Variants in ERC2 observed in about 807,000 individuals in gnomAD.
The protein encoded by ERC2 is ELKS/RAB6-interacting/CAST family member 2, also known as ERC protein 2.
ERC2 carries 42 observed loss-of-function variants against 114.8 expected under a neutral mutation model. The ratio of observed to expected loss-of-function variants is 0.37; its 90% CI spans 0.29 to 0.47. The LOEUF is 0.47. Among genes scored for constraint, ERC2 ranks in the 20% least tolerant of loss-of-function variants. The pLI is 0.99. For synonymous variants in ERC2, 454 were observed against 425.5 expected (o/e 1.07, Z -0.82); for missense variants, 939 against 1,150.7 (o/e 0.82, Z 2.66).
At chr3:56,346,004 C>T (rs1023560104) in intron 2 of ERC2, among the ~76,000 whole-genome samples, 3 of 152,216 alleles carry the variant, frequency 2.0e-5, no homozygotes, top group Non-Finnish European at 4.4e-5. Context: ...CCTTAACTAA[C>T]CTGGGGAAGC....
At chr3:56,155,565 C>A (rs1449302747) in intron 4 of ERC2, among the ~76,000 whole-genome samples, 1 of 151,850 alleles carries the variant, frequency 6.6e-6, no homozygotes, top group African/African-American at 2.4e-5. Context: ...ATATAATGCA[C>A]AAGTGATAGC....
At chr3:56,121,318 G>T (rs372976198) in intron 6 of ERC2, among the ~76,000 whole-genome samples, 1 of 152,044 alleles carries the variant, frequency 6.6e-6, no homozygotes, top group Non-Finnish European at 1.5e-5. Context: ...GCATTAACTC[G>T]TATTGTCTTT....
Position 55,894,322 on chromosome 3 carries a change from T to G in ERC2, c.2404-5773A>C, listed in dbSNP as rs564390844. Among the ~76,000 whole-genome samples, 5 of 152,300 alleles carry G rather than the reference T, an allele frequency of 3.3e-5. No homozygotes were observed. In the South Asian group the frequency reaches 6.2e-4, roughly 19 times the overall value. The stretch of plus-strand genomic sequence containing the variant: ...TTGGAGGCAAAATTTGCTTTAAACA[T>G]GTATTAAGCATTACCATTGCTATGC... On this transcript the variant is annotated intron_variant, in intron 13 of 17. Transcript: ENST00000288221.
At chr3:56,390,077 C>A (rs916327743) in intron 2 of ERC2, among the ~76,000 whole-genome samples, 1 of 152,090 alleles carries the variant, frequency 6.6e-6, no homozygotes, top group Non-Finnish European at 1.5e-5. Flanking sequence ...CCATGTTGAA[C>A]TCAGGAATGG....
At chr3:55,743,311 C>A (rs765249831) in intron 14 of ERC2, among the ~76,000 whole-genome samples, 2 of 104,482 alleles carry the variant, frequency 1.9e-5, no homozygotes, top group East Asian at 5.5e-4. Context: ...CAAGTGCCAA[C>A]GTCATGTGCT....
chr3:55,511,878 G>C (rs1257628035), intron 17 of ERC2, among the ~76,000 whole-genome samples: 2 of 152,136 alleles, frequency 1.3e-5, no homozygotes, highest in Admixed American at 1.3e-4. Context: ...CTGCATCCTG[G>C]GAAGCAATAG....
At chr3:55,627,828 T>C (rs577718885) in intron 17 of ERC2, among the ~76,000 whole-genome samples, 243 of 151,736 alleles carry the variant, frequency 1.6e-3, no homozygotes, top group Non-Finnish European at 2.8e-3. Context: ...TATTAGATGT[T>C]CCTTGGAATT....
intron 2 of ERC2, among the ~76,000 whole-genome samples, chr3:56,399,416 A>G (rs1312805194): frequency 6.6e-6 from 1 of 152,212 alleles, no homozygotes; most frequent in East Asian, 1.9e-4. Context: ...CAGTCACTTC[A>G]TAGTAGTTGA....
chr3:55,614,150 A>G (rs1197403118), intron 17 of ERC2, among the ~76,000 whole-genome samples: 2 of 152,116 alleles, frequency 1.3e-5, no homozygotes, highest in Admixed American at 1.3e-4. Context: ...TATCCTACGG[A>G]TCTACTGGAA....
intron 13 of ERC2, among the ~76,000 whole-genome samples, chr3:55,914,786 T>A (rs1419672450): frequency 2.6e-5 from 4 of 152,184 alleles, no homozygotes; most frequent in African/African-American, 9.7e-5. Context: ...TTGAACTTTA[T>A]CCCATAAAAC....
intron 6 of ERC2, among the ~76,000 whole-genome samples, chr3:56,085,414 G>A (rs2077452517): frequency 6.6e-6 from 1 of 152,302 alleles, no homozygotes; most frequent in South Asian, 2.1e-4. Context: ...TCTGTGACTG[G>A]GGAGGAGAAC....
intron 2 of ERC2, among the ~76,000 whole-genome samples, chr3:56,303,165 T>C (rs1226536719): frequency 6.6e-6 from 1 of 152,244 alleles, no homozygotes; most frequent in Non-Finnish European, 1.5e-5. Flanking sequence ...AAAGCAACTG[T>C]GACAATGGGA....
At chr3:55,630,820 A>G (rs1023091848) in intron 17 of ERC2, among the ~76,000 whole-genome samples, 8 of 152,190 alleles carry the variant, frequency 5.3e-5, no homozygotes, top group Non-Finnish European at 1.0e-4. Flanking sequence ...TAGGTGTGCC[A>G]CTTGAAAATT....
At chr3:56,085,239 A>G (rs905429355) in intron 6 of ERC2, among the ~76,000 whole-genome samples, 5 of 152,214 alleles carry the variant, frequency 3.3e-5, no homozygotes, top group African/African-American at 4.8e-5. Flanking sequence ...GTGTTTCTAA[A>G]GGTCAAAGGT....
At chr3:55,827,848 C>T (rs1184957125) in intron 14 of ERC2, among the ~76,000 whole-genome samples, 2 of 152,222 alleles carry the variant, frequency 1.3e-5, no homozygotes, top group African/African-American at 4.8e-5. Flanking sequence ...AAAAGTACTA[C>T]AACCCATGAT....
chr3:55,777,910 A>G (rs1027533034), intron 14 of ERC2, among the ~76,000 whole-genome samples: 1 of 152,206 alleles, frequency 6.6e-6, no homozygotes, highest in African/African-American at 2.4e-5. Context: ...CAATTCTAAA[A>G]AAAATTAATT....
intron 7 of ERC2, among the ~76,000 whole-genome samples, chr3:56,061,513 C>A (rs1478411566): frequency 2.6e-5 from 4 of 151,844 alleles, no homozygotes; most frequent in Admixed American, 2.0e-4. Context: ...AGAGACTCTA[C>A]AAAAGAAAGG....
chr3:56,383,726 T>C (rs1023649578), intron 2 of ERC2, among the ~76,000 whole-genome samples: 2 of 152,178 alleles, frequency 1.3e-5, no homozygotes, highest in South Asian at 2.1e-4. Context: ...CCATCTCAAG[T>C]GTACAGTTCA....
intron 17 of ERC2, among the ~76,000 whole-genome samples, chr3:55,682,060 T>C (rs1246268821): frequency 6.6e-6 from 1 of 152,230 alleles, no homozygotes; most frequent in African/African-American, 2.4e-5. Context: ...ACCTCTTCCA[T>C]GCATGTTTGA....
Sources: gnomAD v4.1 joint callset for allele counts (sites outside exome capture counted in the v4.1 genomes callset) on GRCh38, gnomAD v4.1.1 for gene constraint, MANE v1.5 for transcripts, NCBI Gene and HGNC (gene_info 2026-07-23, HGNC 2026-07-21) for gene names.